Variants in UGT1A4 observed in about 807,000 individuals in gnomAD.
UGT1A4 encodes UDP-glucuronosyltransferase 1A4.
In UGT1A4, 32 loss-of-function variants were observed where a neutral mutation model predicts 41.1. The ratio of observed to expected loss-of-function variants is 0.78; its 90% confidence interval spans 0.59 to 1.05. The LOEUF is 1.05. UGT1A4 is among the 50% of genes least tolerant of loss of function. The probability of loss-of-function intolerance (pLI) is 0.00; values close to 1 mark genes in which losing one functional copy is unlikely to be tolerated. For missense variants in UGT1A4, 748 were observed against 677.4 expected, an observed-to-expected ratio of 1.10 and a Z score of -1.16; for synonymous variants, 283 against 265.1, an observed-to-expected ratio of 1.07 and a Z score of -0.66.
At chr2:233,739,594 G>T (rs1253560976) in intron 1 of UGT1A4, among the ~76,000 whole-genome samples, 1 of 152,200 alleles carries the variant, frequency 6.6e-6, no homozygotes, top group East Asian at 1.9e-4. Flanking sequence ...GGGGCCTATA[G>T]CCCCTTTGTT....
intron 1 of UGT1A4, among the ~76,000 whole-genome samples, chr2:233,748,343 G>A (rs192012783): frequency 6.6e-5 from 10 of 151,870 alleles, no homozygotes; most frequent in African/African-American, 1.2e-4. Flanking sequence ...GAGACTGTTC[G>A]TTTGTAAAGG....
intron 1 of UGT1A4, chr2:233,760,629 G>A: frequency 6.2e-7 from 1 of 1,614,104 alleles, no homozygotes; most frequent in East Asian, 2.2e-5. Context: ...AAACATACAA[G>A]AAAATAAAAA....
Position 233,769,464 on chromosome 2 carries a change from CGTGTGTGT to C in UGT1A4, c.1307+1033_1307+1040del. 6.7e-7 allele frequency: 1 copy of C among 1,503,278 alleles called. No homozygotes were observed. The highest frequency in any genetic ancestry group is 9.1e-7 in the Non-Finnish European group (1 of 1,095,312). The allele number at this position is 1,503,278 out of a possible 1,614,324, so 93.1% of individuals were successfully genotyped here. A position where few individuals can be genotyped will look rare whatever the true frequency, so the allele number is the denominator to read the frequency against. Reference sequence around the variant, plus strand: ...GGGTGCACACGTGTGCATTCATATGCGTGTGTGTGTGTGTGCGTGTGTTTATGAGAGTG... The same window carrying C: ...GGGTGCACACGTGTGCATTCATATGCGTGTGTGCGTGTGTTTATGAGAGTG... On this transcript the variant is annotated intron_variant, in intron 4 of 4. Transcript: ENST00000373409. The surrounding 1 kb of genome is among the most constrained non-coding windows in gnomAD (Gnocchi z 4.4).
At chr2:233,755,113 AG>A in intron 1 of UGT1A4, 1 of 1,332,540 alleles carries the variant, frequency 7.5e-7, no homozygotes, top group Non-Finnish European at 1.0e-6. Context: ...AACACCTCGT[AG>A]GCCTCAGCCA....
rs28900403 is a variant in UGT1A4 at position 233,768,158 on chromosome 2, A to G, written c.1088-62A>G. 1.0e-3 allele frequency: 1,655 copies of G among 1,613,190 alleles called. 19 individuals are homozygous for G. The African/African-American group carries it at 0.019, about 19-fold the overall frequency. On this transcript the variant is annotated intron_variant, in intron 3 of 4. Transcript: ENST00000373409. ...TCTTTGGAGTGTTTTCAGAACCTAG[A>G]TGTGTCCAGCTGTGAAACTCAGAGA...
Position 233,747,263 on chromosome 2 carries a change from T to G in UGT1A4, c.868-19771T>G, listed in dbSNP as rs1693601928. 9 of 1,599,140 alleles carry G rather than the reference T, an allele frequency of 5.6e-6. 1 individual carries two copies. The highest frequency in any genetic ancestry group is 3.6e-4 in the Middle Eastern group (2 of 5,530). ...CTGCTGTGGCTGGCCACAGGAGTGCTACTCCTTCTCAGTGCCCAGCCCTGG... is the reference window on the plus strand; with the variant it reads ...CTGCTGTGGCTGGCCACAGGAGTGCGACTCCTTCTCAGTGCCCAGCCCTGG... On this transcript the variant is annotated intron_variant, in intron 1 of 4. Coordinates refer to ENST00000373409, the MANE Select transcript of UGT1A4 (RefSeq NM_007120.3).
intron 1 of UGT1A4, among the ~76,000 whole-genome samples, chr2:233,734,449 A>ATTTTGTTGATC (rs2078526533): frequency 6.6e-6 from 1 of 150,978 alleles, no homozygotes; most frequent in Admixed American, 6.6e-5. Context: ...AGGTCTATCA[A>ATTTTGTTGATC]TTTTCAAAAT....
At position 233,719,159 on chromosome 2, in the gene UGT1A4, T is replaced by G. The variant is rs28898610; in HGVS notation, c.339T>G (p.Ser113Arg). The change falls in exon 1 of 5, where the codon AGT (serine) becomes AGG (arginine). Residue 113 changes from serine to arginine, a missense_variant. Physicochemically the swap from Ser to Arg is moderately radical, Grantham distance 110. Coordinates refer to ENST00000373409, the MANE Select transcript of UGT1A4 (RefSeq NM_007120.3). ...ATCTTCTGAAGAGATATTCTAGAAGTATGGCAATTATGAACAATGTATCTT... is the reference window on the plus strand; with the variant it reads ...ATCTTCTGAAGAGATATTCTAGAAGGATGGCAATTATGAACAATGTATCTT... ...TEHLLKRYSR[S>R]MAIMNNVSLA... 1.9e-6 allele frequency: 3 copies of G among 1,614,126 alleles called. No homozygotes were observed. Among genetic ancestry groups the G allele is most frequent in the Admixed American group, 1.7e-5 (1 of 60,002 alleles).
chr2:233,772,103 A>G (rs1436143050), intron 4 of UGT1A4, among the ~76,000 whole-genome samples, 159 bp from the exon 5 acceptor site: 1 of 152,162 alleles, frequency 6.6e-6, no homozygotes, highest in East Asian at 1.9e-4. Context: ...ACAGGGCAAG[A>G]CTCTGTATCT....
chr2:233,727,033 A>G (rs2077579512), intron 1 of UGT1A4, among the ~76,000 whole-genome samples: 1 of 152,190 alleles, frequency 6.6e-6, no homozygotes, highest in Admixed American at 6.5e-5. Flanking sequence ...ACCCTAAGGA[A>G]TCTTTACCCC....
At chr2:233,759,947 C>T (rs1327771342) in intron 1 of UGT1A4, among the ~76,000 whole-genome samples, 1 of 152,176 alleles carries the variant, frequency 6.6e-6, no homozygotes, top group Non-Finnish European at 1.5e-5. Flanking sequence ...CTAACTTGTT[C>T]ACTACATAGT....
At chr2:233,739,246 G>A (rs1691023323) in intron 1 of UGT1A4, among the ~76,000 whole-genome samples, 1 of 152,234 alleles carries the variant, frequency 6.6e-6, no homozygotes, top group Non-Finnish European at 1.5e-5. Context: ...CTAGAGAAGG[G>A]TGGTAAAGAA....
intron 1 of UGT1A4, chr2:233,747,259 G>A: frequency 6.2e-7 from 1 of 1,600,500 alleles, no homozygotes; most frequent in South Asian, 1.1e-5. Context: ...GGCCACAGGA[G>A]TGCTACTCCT....
chr2:233,752,059 C>T lies in UGT1A4; in HGVS notation c.868-14975C>T, dbSNP rs190441645. ...GTAAGCTGTTGTGTGAATGATTTCC[C>T]GAGATGGGGAAGTCTCTCTACCTGT... On this transcript the variant is annotated intron_variant, in intron 1 of 4. Transcript: ENST00000373409. 8.5e-5 allele frequency among the ~76,000 whole-genome samples: 13 copies of T among 152,200 alleles called. No homozygotes were observed. In the East Asian group the frequency reaches 9.6e-4, roughly 11 times the overall value.
In UGT1A4 at chr2:233,734,493, T is replaced by C. The variant is rs572149400; in HGVS notation, c.867+14806T>C. On this transcript the variant is annotated intron_variant, in intron 1 of 4. Coordinates refer to ENST00000373409, the MANE Select transcript of UGT1A4 (RefSeq NM_007120.3). ...TGGATTCATTGATTTTTTTGAAGGT[T>C]TTTTTGTGTCTCTATCTCTTTCAGT... Among the ~76,000 whole-genome samples the C allele has an allele frequency of 7.2e-5, 11 of 152,330 alleles. 1 individual carries two copies. In the South Asian group the frequency reaches 1.2e-3, roughly 17 times the overall value.
chr2:233,729,726 C>T, intron 1 of UGT1A4: 2 of 1,613,934 alleles, frequency 1.2e-6, no homozygotes, highest in African/African-American at 2.7e-5. Context: ...TACTAACAAC[C>T]AATTCAGACC....
chr2:233,737,607 T>A (rs970268869), intron 1 of UGT1A4, among the ~76,000 whole-genome samples: 49 of 152,170 alleles, frequency 3.2e-4, no homozygotes, highest in African/African-American at 1.2e-3. Flanking sequence ...GGTACCTCAG[T>A]TGGAAATGCA....
chr2:233,758,436 A>T (rs532506840), intron 1 of UGT1A4, among the ~76,000 whole-genome samples: 9 of 152,370 alleles, frequency 5.9e-5, no homozygotes, highest in African/African-American at 1.9e-4. Context: ...CTCACACAGC[A>T]TTGGGACTTT....
chr2:233,756,383 G>C (rs1251159335), intron 1 of UGT1A4: 1 of 151,718 alleles, frequency 6.6e-6, no homozygotes, highest in Non-Finnish European at 1.5e-5. Flanking sequence ...GTAAATAGTT[G>C]TTTTACAGTA....
Sources: gnomAD v4.1 joint callset for allele counts (sites outside exome capture counted in the v4.1 genomes callset) on GRCh38, gnomAD v4.1.1 for gene constraint, Gnocchi (gnomAD v3.1) non-coding constraint, MANE v1.5 for transcripts, NCBI Gene and HGNC (gene_info 2026-07-23, HGNC 2026-07-21) for gene names.